SLC9A9: variants seen among roughly 807,000 people sequenced by gnomAD.
The protein encoded by SLC9A9 is sodium/hydrogen exchanger 9.
In SLC9A9, 62 loss-of-function variants were observed where a neutral mutation model predicts 77.8. The ratio of observed to expected loss-of-function variants is 0.80; its 90% confidence interval spans 0.65 to 0.98. SLC9A9 has a LOEUF of 0.98. Ranked by LOEUF, SLC9A9 falls within the 50% of genes least tolerant of loss-of-function variation. The pLI is 0.00. For missense variants in SLC9A9, 775 were observed against 774.9 expected (o/e 1.00, Z 0.00); for synonymous variants, 320 against 283.5 (o/e 1.13, Z -1.29).
chr3:143,597,518 CA>C (rs1293576559), intron 6 of SLC9A9, among the ~76,000 whole-genome samples: 1 of 152,172 alleles, frequency 6.6e-6, no homozygotes, highest in Non-Finnish European at 1.5e-5. Flanking sequence ...ACAGAGCGGA[CA>C]GCGTAAGAAA....
intron 14 of SLC9A9, among the ~76,000 whole-genome samples, chr3:143,362,025 A>G (rs1446142686): frequency 1.3e-5 from 2 of 152,212 alleles, no homozygotes; most frequent in Admixed American, 6.5e-5. Context: ...CTGAGTTATC[A>G]GATACTTATA....
intron 12 of SLC9A9, among the ~76,000 whole-genome samples, chr3:143,411,235 C>T (rs1482053725): frequency 1.3e-5 from 2 of 152,136 alleles, no homozygotes; most frequent in Non-Finnish European, 2.9e-5. Flanking sequence ...GTGGGAATTT[C>T]ACCAAAGTAT....
At chr3:143,832,813 G>T (rs2009471255) in intron 1 of SLC9A9, among the ~76,000 whole-genome samples, 1 of 151,684 alleles carries the variant, frequency 6.6e-6, no homozygotes, top group Non-Finnish European at 1.5e-5. Flanking sequence ...GATAGTAGCA[G>T]AAGACAGAAC....
At chr3:143,737,246 A>C (rs1934962318) in intron 4 of SLC9A9, among the ~76,000 whole-genome samples, 1 of 152,148 alleles carries the variant, frequency 6.6e-6, no homozygotes, top group Non-Finnish European at 1.5e-5. Flanking sequence ...GCTCACTGAA[A>C]AATTAGCTCC....
At chr3:143,676,950 T>C (rs137948712) in intron 5 of SLC9A9, among the ~76,000 whole-genome samples, 4 of 152,314 alleles carry the variant, frequency 2.6e-5, no homozygotes, top group African/African-American at 4.8e-5. Context: ...ATCTCAAGCC[T>C]GTAAAAAGAG....
At chr3:143,591,615 C>CAATTAATAGACCTGTCTTGTCCATGCAAT (rs549332476) in intron 6 of SLC9A9, among the ~76,000 whole-genome samples, 4,319 of 152,132 alleles carry the variant, frequency 0.028, 190 homozygotes, top group African/African-American at 0.097. Context: ...CTAACTCAAG[C>CAATTAATAGACCTGTCTTGTCCATGCAAT]AATTAATAGA....
At chr3:143,838,261 T>C (rs184293940) in intron 1 of SLC9A9, among the ~76,000 whole-genome samples, 342 of 152,282 alleles carry the variant, frequency 2.2e-3, no homozygotes, top group African/African-American at 7.5e-3. Flanking sequence ...GTTCACCAAG[T>C]AGAGAAGAGG....
At chr3:143,423,879 GCTT>G in intron 12 of SLC9A9, among the ~76,000 whole-genome samples, 1 of 152,336 alleles carries the variant, frequency 6.6e-6, no homozygotes, top group East Asian at 1.9e-4. Context: ...ATGCAGCACT[GCTT>G]CTGTTTTTCC....
chr3:143,469,143 G>A (rs2035334618), intron 11 of SLC9A9, among the ~76,000 whole-genome samples: 1 of 152,062 alleles, frequency 6.6e-6, no homozygotes, highest in African/African-American at 2.4e-5. Context: ...CTGCATGACA[G>A]AGTGAGACTT....
intron 11 of SLC9A9, among the ~76,000 whole-genome samples, chr3:143,485,794 A>C (rs2035645067): frequency 6.6e-6 from 1 of 152,170 alleles, no homozygotes; most frequent in Non-Finnish European, 1.5e-5. Context: ...CAGATATACT[A>C]GACAAAGACT....
chr3:143,773,713 A>C (rs2007602605), intron 4 of SLC9A9, among the ~76,000 whole-genome samples: 1 of 152,068 alleles, frequency 6.6e-6, no homozygotes, highest in Non-Finnish European at 1.5e-5. Context: ...CGAACTCCTG[A>C]CTTCAGGTGA....
chr3:143,629,831 A>G lies in SLC9A9; in HGVS notation c.755+22424T>C, dbSNP rs567726648. Among the ~76,000 whole-genome samples the G allele has an allele frequency of 2.0e-5, 3 of 152,248 alleles. No individual in the cohort carries two copies. The South Asian group carries it at 6.2e-4, about 32-fold the overall frequency. On this transcript the variant is annotated intron_variant, in intron 6 of 15. Coordinates refer to ENST00000316549, the MANE Select transcript of SLC9A9 (RefSeq NM_173653.4). ...TCATTCACTCAACAAGTGTTTATTA[A>G]GAGTCTATTATGAGCCAGGCATTAG...
intron 9 of SLC9A9, among the ~76,000 whole-genome samples, chr3:143,532,300 C>T (rs1182650816): frequency 2.6e-5 from 4 of 152,130 alleles, no homozygotes; most frequent in Non-Finnish European, 5.9e-5. Context: ...TACCACTGAA[C>T]CTGGTGTAGA....
chr3:143,406,377 C>CTATAA (rs781357662), intron 12 of SLC9A9, among the ~76,000 whole-genome samples: 1 of 151,660 alleles, frequency 6.6e-6, no homozygotes, highest in Non-Finnish European at 1.5e-5. Context: ...TTTATTTTTC[C>CTATAA]TGTATCTTTT....
At chr3:143,452,018 A>AG in intron 12 of SLC9A9, among the ~76,000 whole-genome samples, 1 of 152,168 alleles carries the variant, frequency 6.6e-6, no homozygotes, top group African/African-American at 2.4e-5. Context: ...TTTGAGTAAC[A>AG]TAATCAAGAA....
Position 143,324,766 on chromosome 3 carries a change from G to A in SLC9A9, c.1604+38718C>T, listed in dbSNP as rs1342658862. ...GAGCCCAGGAAGACAAGGTTGCAGTGAGCCACGATTGCACCACTACACTCC... is the reference window on the plus strand; with the variant it reads ...GAGCCCAGGAAGACAAGGTTGCAGTAAGCCACGATTGCACCACTACACTCC... On this transcript the variant is annotated intron_variant, in intron 14 of 15. Coordinates refer to ENST00000316549, the MANE Select transcript of SLC9A9 (RefSeq NM_173653.4). Among the ~76,000 whole-genome samples, 3 of 152,250 alleles carry A rather than the reference G, an allele frequency of 2.0e-5. No homozygotes were observed. The East Asian group carries it at 5.8e-4, about 29-fold the overall frequency.
At chr3:143,491,435 AC>A (rs578198397) in intron 11 of SLC9A9, among the ~76,000 whole-genome samples, 6 of 152,178 alleles carry the variant, frequency 3.9e-5, no homozygotes, top group South Asian at 2.1e-4. Context: ...CAGTAAGTAA[AC>A]AAATGGGTTG....
intron 4 of SLC9A9, among the ~76,000 whole-genome samples, chr3:143,713,682 T>C (rs1934256133): frequency 6.6e-6 from 1 of 152,204 alleles, no homozygotes; most frequent in Non-Finnish European, 1.5e-5. Flanking sequence ...AACAGGTACA[T>C]GTATTGTTCT....
At position 143,655,603 on chromosome 3, in the gene SLC9A9, T is replaced by A. The variant is rs1273442700; in HGVS notation, c.650-3243A>T. 3 of 984,936 alleles carry A rather than the reference T, an allele frequency of 3.0e-6. No individual in the cohort carries two copies. The African/African-American group carries it at 5.3e-5, about 17-fold the overall frequency. 61.0% of individuals were successfully genotyped at this position (984,936 alleles called of 1,614,324 possible). A position where few individuals can be genotyped will look rare whatever the true frequency, so the allele number is the denominator to read the frequency against. The stretch of plus-strand genomic sequence containing the variant: ...ACATGATGTTGTAGCTAGAGAAAAA[T>A]TCACTTTGTCTTTCAAATTGATAAT... On this transcript the variant is annotated intron_variant, in intron 5 of 15. Transcript: ENST00000316549.
Sources: allele counts gnomAD v4.1 joint callset (sites outside exome capture counted in the v4.1 genomes callset), GRCh38; gene constraint gnomAD v4.1.1; transcripts MANE v1.5; gene names NCBI Gene and HGNC (gene_info 2026-07-23, HGNC 2026-07-21).